Variants in TSPEAR observed in about 807,000 individuals in gnomAD.
The protein encoded by TSPEAR is thrombospondin-type laminin G domain and EAR repeat-containing protein.
TSPEAR carries 69 observed loss-of-function variants against 71.6 expected under a neutral mutation model. The observed-to-expected ratio is 0.96, with a 90% CI of 0.79 to 1.18. TSPEAR has a LOEUF of 1.18. TSPEAR is among the 50% of genes most tolerant of loss of function. TSPEAR has a pLI of 0.00. For missense variants in TSPEAR, 971 were observed against 894.9 expected (o/e 1.09, Z -1.09); for synonymous variants, 402 against 387.2 (o/e 1.04, Z -0.45).
chr21:44,662,952 C>A (rs1219271641), intron 1 of TSPEAR, among the ~76,000 whole-genome samples: 1 of 151,898 alleles, frequency 6.6e-6, no homozygotes, highest in African/African-American at 2.4e-5. Context: ...ATATATGGAA[C>A]ATGGCTAAAA....
chr21:44,551,341 C>T lies in TSPEAR; in HGVS notation c.303+16444G>A, dbSNP rs1555918868. On this transcript the variant is annotated intron_variant, in intron 2 of 11. Coordinates refer to ENST00000323084, the MANE Select transcript of TSPEAR (RefSeq NM_144991.3). ...GTGCAGACCAGGGTCAGGCAGGGGG[C>T]TGGGGCACAGCAGCTGGGGGTGCCG... The T allele has an allele frequency of 2.5e-6, 4 of 1,613,118 alleles. No homozygotes were observed. In the East Asian group the frequency reaches 8.9e-5, roughly 36 times the overall value.
rs1988172765 is a variant in TSPEAR at position 44,710,634 on chromosome 21, T to C, written c.82+799A>G. 6.6e-6 allele frequency among the ~76,000 whole-genome samples: 1 copy of C among 152,220 alleles called. No individual in the cohort carries two copies. The highest frequency in any genetic ancestry group is 1.9e-4 in the East Asian group (1 of 5,198). On this transcript the variant is annotated intron_variant, in intron 1 of 11. Transcript: ENST00000323084. This position sits in a 1 kb window ranked among gnomAD's most constrained non-coding sequence, Gnocchi z 4.6. ...ATCTCCTCGCCTCCCCTGATAGCCG[T>C]GCTGCGGAGCCTGAGTGCTGGAGTC...
intron 9 of TSPEAR, chr21:44,510,751 A>G (rs914340276): frequency 1.3e-5 from 2 of 152,308 alleles, no homozygotes; most frequent in Non-Finnish European, 2.9e-5. Context: ...CGTGGGCACC[A>G]GGCAAGGTCC....
intron 1 of TSPEAR, among the ~76,000 whole-genome samples, chr21:44,620,693 C>A (rs1001200874): frequency 2.0e-5 from 3 of 152,090 alleles, no homozygotes; most frequent in Non-Finnish European, 4.4e-5. Context: ...TATTTTCTAC[C>A]TTCTGCTAAA....
intron 2 of TSPEAR, among the ~76,000 whole-genome samples, chr21:44,536,084 G>A: frequency 6.6e-6 from 1 of 152,208 alleles, no homozygotes; most frequent in East Asian, 1.9e-4. Flanking sequence ...AGAGTTCACA[G>A]TGGCAGAGTC....
At chr21:44,607,530 T>A (rs1411445560) in intron 1 of TSPEAR, among the ~76,000 whole-genome samples, 2 of 152,228 alleles carry the variant, frequency 1.3e-5, no homozygotes, top group African/African-American at 4.8e-5. Flanking sequence ...TATAGGGGAA[T>A]GTCTTCACGA....
At chr21:44,601,187 C>A in intron 1 of TSPEAR, 20 of 1,596,096 alleles carry the variant, frequency 1.3e-5, no homozygotes, top group African/African-American at 2.9e-5. Flanking sequence ...TGCTGCCAGG[C>A]GGTCTGTGAG....
At chr21:44,509,407 G>A in intron 9 of TSPEAR, 21 bp from the exon 10 acceptor site, 1 of 1,604,106 alleles carries the variant, frequency 6.2e-7, no homozygotes. Context: ...AGGAGAGCAG[G>A]TGCAGAGGTG....
intron 3 of TSPEAR, among the ~76,000 whole-genome samples, chr21:44,531,356 C>G (rs2052967671): frequency 6.6e-6 from 1 of 152,220 alleles, no homozygotes; most frequent in Non-Finnish European, 1.5e-5. Context: ...GAGGACGCTT[C>G]CTCGACTCAT....
chr21:44,703,675 C>T (rs76013357), intron 1 of TSPEAR, among the ~76,000 whole-genome samples: 2,180 of 152,280 alleles, frequency 0.014, 65 homozygotes, highest in African/African-American at 0.046. Flanking sequence ...CAGGTCTAGC[C>T]GGGCGTGGCA....
At chr21:44,524,263 C>T (rs113239885) in intron 8 of TSPEAR, among the ~76,000 whole-genome samples, 5,909 of 150,232 alleles carry the variant, frequency 0.039, 398 homozygotes, top group African/African-American at 0.13. Context: ...AGCCAGCCAG[C>T]CAGCCAGTCA....
At chr21:44,708,460 T>C (rs1338756432) in intron 1 of TSPEAR, among the ~76,000 whole-genome samples, 1 of 152,038 alleles carries the variant, frequency 6.6e-6, no homozygotes, top group Non-Finnish European at 1.5e-5. Flanking sequence ...GCAGAGCTCC[T>C]GGGAGCACCA....
chr21:44,603,107 T>G (rs1473355198), intron 1 of TSPEAR, among the ~76,000 whole-genome samples: 2 of 151,938 alleles, frequency 1.3e-5, no homozygotes, highest in African/African-American at 2.4e-5. Flanking sequence ...GTAGGTTTCA[T>G]GAGGAGCAGA....
chr21:44,609,162 G>A (rs1981501384), intron 1 of TSPEAR, among the ~76,000 whole-genome samples: 1 of 152,126 alleles, frequency 6.6e-6, no homozygotes, highest in East Asian at 1.9e-4. Flanking sequence ...AGAGAAGGTA[G>A]AACAGCAACT....
intron 1 of TSPEAR, among the ~76,000 whole-genome samples, chr21:44,660,041 C>T (rs1985404418): frequency 6.6e-6 from 1 of 152,076 alleles, no homozygotes; most frequent in African/African-American, 2.4e-5. Context: ...GGTGTGGAAG[C>T]TTTGAATTTG....
chr21:44,574,862 G>C (rs1555923612), intron 1 of TSPEAR: 5 of 1,612,370 alleles, frequency 3.1e-6, no homozygotes, highest in Non-Finnish European at 3.4e-6. Flanking sequence ...GCCGCCCCGT[G>C]TGCAGGCCCG....
chr21:44,550,257 G>A, intron 2 of TSPEAR: 1 of 221,764 alleles, frequency 4.5e-6, no homozygotes, highest in Non-Finnish European at 9.0e-6. Context: ...CCCCCAGCTG[G>A]GGAAGTAAAG....
intron 2 of TSPEAR, among the ~76,000 whole-genome samples, chr21:44,556,611 G>A (rs1320852147): frequency 6.6e-6 from 1 of 152,166 alleles, no homozygotes; most frequent in Non-Finnish European, 1.5e-5. Context: ...AGAATCCCTT[G>A]AATCTGGGAG....
intron 9 of TSPEAR, chr21:44,510,060 T>G (rs1371071588): frequency 6.5e-6 from 1 of 152,706 alleles, no homozygotes; most frequent in Non-Finnish European, 1.5e-5. Context: ...CTTACCACCG[T>G]CAAGAGGCAA....
Sources: allele counts gnomAD v4.1 joint callset (sites outside exome capture counted in the v4.1 genomes callset), GRCh38; gene constraint gnomAD v4.1.1; non-coding constraint Gnocchi (gnomAD v3.1); transcripts MANE v1.5; gene names NCBI Gene and HGNC (gene_info 2026-07-23, HGNC 2026-07-21).